The following SPATS2 variants were observed in gnomAD, a reference collection of about 807,000 sequenced individuals.
SPATS2 encodes spermatogenesis associated serine rich 2.
A neutral mutation model predicts 63.7 loss-of-function variants in SPATS2; 38 were observed. That is an observed-to-expected ratio of 0.60 (90% CI 0.46 to 0.78). The LOEUF (loss-of-function observed/expected upper bound fraction) is 0.78. Ranked by LOEUF, SPATS2 falls within the 30% of genes least tolerant of loss-of-function variation. The probability of loss-of-function intolerance (pLI) is 0.00; values close to 1 mark genes in which losing one functional copy is unlikely to be tolerated. For missense variants in SPATS2, 588 were observed against 666.2 expected, an observed-to-expected ratio of 0.88 and a Z score of 1.29; for synonymous variants, 207 against 232.9, an observed-to-expected ratio of 0.89 and a Z score of 1.01.
intron 6 of SPATS2, among the ~76,000 whole-genome samples, chr12:49,492,987 A>C (rs566216837): frequency 6.6e-6 from 1 of 151,878 alleles, no homozygotes; most frequent in South Asian, 2.1e-4. Flanking sequence ...AATCCCAGCT[A>C]CTCGGGAGGC....
At chr12:49,375,270 A>G (rs1301186288) in intron 2 of SPATS2, among the ~76,000 whole-genome samples, 1 of 151,632 alleles carries the variant, frequency 6.6e-6, no homozygotes, top group Non-Finnish European at 1.5e-5. Context: ...AGGCCATTAT[A>G]TGATTGTGAA....
intron 2 of SPATS2, among the ~76,000 whole-genome samples, chr12:49,436,475 A>G (rs1343933551): frequency 0.02 from 1,587 of 78,274 alleles, no homozygotes; most frequent in Middle Eastern, 0.12. Context: ...AGGGGCGGCC[A>G]GGCAGAGGCG....
intron 2 of SPATS2, among the ~76,000 whole-genome samples, chr12:49,405,908 A>C (rs773400758): frequency 8.5e-5 from 13 of 152,210 alleles, no homozygotes; most frequent in African/African-American, 2.4e-5. Context: ...TTTTGCATAC[A>C]GTTTCTTCCA....
At position 49,423,259 on chromosome 12, in the gene SPATS2, A is replaced by G. The variant is rs527986763; in HGVS notation, c.-243-37511A>G. Among the ~76,000 whole-genome samples the G allele has an allele frequency of 3.3e-5, 5 of 151,846 alleles. No individual in the cohort carries two copies. The South Asian group carries it at 6.2e-4, about 19-fold the overall frequency. ...GCGATTCTCCTGCCTCAGCCTCCCG[A>G]GTAGCCAGGACTACAGGCACGCACC... On this transcript the variant is annotated intron_variant, in intron 2 of 13. Transcript: ENST00000552918.
At chr12:49,460,174 G>A (rs1468432794) in intron 2 of SPATS2, among the ~76,000 whole-genome samples, 2 of 148,360 alleles carry the variant, frequency 1.3e-5, no homozygotes. Context: ...TGATTTGGAT[G>A]GGAAGATCAA....
Position 49,403,594 on chromosome 12 carries a change from TACACACACACACACACACACACAC to T in SPATS2, c.-244+32328_-244+32351del, listed in dbSNP as rs5798102. Among the ~76,000 whole-genome samples, 58 of 128,496 alleles carry T rather than the reference TACACACACACACACACACACACAC, an allele frequency of 4.5e-4. 1 individual carries two copies. Among genetic ancestry groups the T allele is most frequent in the Middle Eastern group, 3.6e-3 (1 of 276 alleles). The allele number at this position is 128,496 out of a possible 152,430, so 84.3% of individuals were successfully genotyped here. ...AGTGAGCCGAGATCATGCCACTGTCTACACACACACACACACACACACACACACACACACACACACACACACAAA... is the reference window on the plus strand; with the variant it reads ...AGTGAGCCGAGATCATGCCACTGTCTACACACACACACACACACACACAAA... On this transcript the variant is annotated intron_variant, in intron 2 of 13. Coordinates refer to ENST00000552918, the MANE Select transcript of SPATS2 (RefSeq NM_023071.4).
Position 49,455,538 on chromosome 12 carries a change from G to A in SPATS2, c.-243-5232G>A, listed in dbSNP as rs1267696734. 2.0e-5 allele frequency among the ~76,000 whole-genome samples: 3 copies of A among 152,182 alleles called. No individual in the cohort carries two copies. In the East Asian group the frequency reaches 5.8e-4, roughly 29 times the overall value. On this transcript the variant is annotated intron_variant, in intron 2 of 13. Transcript: ENST00000552918. ...TGCCCCCACCTTAGCCTTCCGAGTAGCTGGGACTACAGGTGTGTGCTACCA... is the reference window on the plus strand; with the variant it reads ...TGCCCCCACCTTAGCCTTCCGAGTAACTGGGACTACAGGTGTGTGCTACCA...
intron 2 of SPATS2, among the ~76,000 whole-genome samples, chr12:49,413,740 C>T (rs941287198): frequency 1.3e-5 from 2 of 151,948 alleles, no homozygotes; most frequent in African/African-American, 4.8e-5. Flanking sequence ...TTGGGTGTAG[C>T]TCTTTGACTA....
intron 4 of SPATS2, among the ~76,000 whole-genome samples, chr12:49,485,932 A>C (rs1169724998): frequency 1.3e-5 from 2 of 150,754 alleles, no homozygotes; most frequent in Admixed American, 6.6e-5. Context: ...GCTAATTTTT[A>C]TATTTTTAGT....
At chr12:49,464,490 G>C (rs1945874948) in intron 3 of SPATS2, among the ~76,000 whole-genome samples, 1 of 151,642 alleles carries the variant, frequency 6.6e-6, no homozygotes, top group African/African-American at 2.4e-5. Flanking sequence ...AGCTGGGTGT[G>C]GTGGTGCATG....
chr12:49,492,242 T>C (rs1032082565), intron 6 of SPATS2, among the ~76,000 whole-genome samples: 65 of 151,482 alleles, frequency 4.3e-4, no homozygotes, highest in African/African-American at 1.5e-3. Flanking sequence ...CTTTTTGAGA[T>C]GGAGTTTTGC....
chr12:49,437,325 G>T (rs1945329432), intron 2 of SPATS2, among the ~76,000 whole-genome samples: 1 of 151,720 alleles, frequency 6.6e-6, no homozygotes. Flanking sequence ...GCCGGGCAGA[G>T]ACGCTCCTCA....
chr12:49,448,233 G>T (rs1945550943), intron 2 of SPATS2, among the ~76,000 whole-genome samples: 1 of 150,320 alleles, frequency 6.7e-6, no homozygotes, highest in Admixed American at 6.7e-5. Context: ...TGCCTCCTGG[G>T]TTCACACCAT....
At chr12:49,427,635 TTC>T (rs886757850) in intron 2 of SPATS2, among the ~76,000 whole-genome samples, 1 of 152,234 alleles carries the variant, frequency 6.6e-6, no homozygotes, top group Non-Finnish European at 1.5e-5. Context: ...ATGAAACCCT[TTC>T]TGTTATGAGA....
chr12:49,444,568 G>T (rs2137571135), intron 2 of SPATS2, among the ~76,000 whole-genome samples: 1 of 151,812 alleles, frequency 6.6e-6, no homozygotes, highest in African/African-American at 2.4e-5. Context: ...TTTTATTTTT[G>T]GATTGTTTAT....
At chr12:49,408,630 A>G (rs535450151) in intron 2 of SPATS2, among the ~76,000 whole-genome samples, 1 of 117,776 alleles carries the variant, frequency 8.5e-6, no homozygotes, top group Non-Finnish European at 1.8e-5. Context: ...ATCTTGGCTC[A>G]CTGCAGTCTC....
intron 2 of SPATS2, among the ~76,000 whole-genome samples, chr12:49,435,338 T>G (rs1321854518): frequency 6.8e-6 from 1 of 147,036 alleles, no homozygotes; most frequent in East Asian, 2.0e-4. Flanking sequence ...CCTTTTTTTT[T>G]TTTAAAGATA....
At chr12:49,478,194 G>T (rs558653940) in intron 3 of SPATS2, among the ~76,000 whole-genome samples, 4 of 152,156 alleles carry the variant, frequency 2.6e-5, no homozygotes, top group South Asian at 4.2e-4. Flanking sequence ...GCCCAGGCAG[G>T]TCTCAAGCTC....
intron 2 of SPATS2, among the ~76,000 whole-genome samples, chr12:49,394,030 T>G (rs1194117711): frequency 6.6e-6 from 1 of 152,120 alleles, no homozygotes; most frequent in African/African-American, 2.4e-5. Context: ...TCCAGGACTT[T>G]TGCATTTTCA....
Sources: allele counts gnomAD v4.1 joint callset (sites outside exome capture counted in the v4.1 genomes callset), GRCh38; gene constraint gnomAD v4.1.1; transcripts MANE v1.5; gene names NCBI Gene and HGNC (gene_info 2026-07-23, HGNC 2026-07-21).